COMMD7: variants seen among roughly 807,000 people sequenced by gnomAD.
The protein encoded by COMMD7 is COMM domain-containing protein 7.
A neutral mutation model predicts 34.8 loss-of-function variants in COMMD7; 28 were observed. The observed-to-expected ratio is 0.80, with a 90% CI of 0.60 to 1.10. The LOEUF is 1.10. COMMD7 is among the 50% of genes least tolerant of loss of function. COMMD7 has a pLI of 0.00. For missense variants in COMMD7, 211 were observed against 241.6 expected, an observed-to-expected ratio of 0.87 and a Z score of 0.84; for synonymous variants, 80 against 86.4, an observed-to-expected ratio of 0.93 and a Z score of 0.41.
At chr20:32,716,628 A>G (rs529563440) in intron 3 of COMMD7, among the ~76,000 whole-genome samples, 1 of 152,266 alleles carries the variant, frequency 6.6e-6, no homozygotes, top group East Asian at 1.9e-4. Flanking sequence ...AACAAAAAAA[A>G]CAAAACATAA....
intron 3 of COMMD7, among the ~76,000 whole-genome samples, chr20:32,719,138 C>A (rs1261093591): frequency 1.3e-5 from 2 of 152,124 alleles, no homozygotes; most frequent in Non-Finnish European, 2.9e-5. Flanking sequence ...CAAACTGAGG[C>A]CTACAGACTT....
intron 1 of COMMD7, among the ~76,000 whole-genome samples, chr20:32,736,292 C>G (rs1010084564): frequency 6.6e-6 from 1 of 152,166 alleles, no homozygotes; most frequent in African/African-American, 2.4e-5. Context: ...TTGGAGAAGT[C>G]TGATTATCCA....
At chr20:32,735,962 T>C (rs1056403023) in intron 1 of COMMD7, among the ~76,000 whole-genome samples, 5 of 152,238 alleles carry the variant, frequency 3.3e-5, no homozygotes, top group Admixed American at 6.5e-5. Context: ...CTTAAAATCC[T>C]GCCTATTCTC....
intron 3 of COMMD7, among the ~76,000 whole-genome samples, chr20:32,719,217 G>A (rs1985000665): frequency 6.6e-6 from 1 of 152,194 alleles, no homozygotes. Context: ...GTGTGCTCCA[G>A]GGCAAACTGG....
chr20:32,721,929 C>T (rs1453946405), intron 3 of COMMD7, among the ~76,000 whole-genome samples: 1 of 147,136 alleles, frequency 6.8e-6, no homozygotes. Flanking sequence ...AGTGTGGTGG[C>T]ATGCATCTGT....
chr20:32,709,114 C>A (rs1302872982), intron 3 of COMMD7, among the ~76,000 whole-genome samples: 1 of 152,058 alleles, frequency 6.6e-6, no homozygotes, highest in East Asian at 1.9e-4. Flanking sequence ...AGGGGAAGCT[C>A]TTTAGCAATG....
chr20:32,741,707 T>C (rs1986457631), intron 1 of COMMD7, among the ~76,000 whole-genome samples: 1 of 152,168 alleles, frequency 6.6e-6, no homozygotes, highest in African/African-American at 2.4e-5. Context: ...TTTTATACTG[T>C]ATTTGTACTG....
In COMMD7 at chr20:32,717,884, A is replaced by G. The variant is rs557502737; in HGVS notation, c.241+10009T>C. On this transcript the variant is annotated intron_variant, in intron 3 of 8. Transcript: ENST00000278980. ...ATCTCAGCACTTTGTCAGGAGTTTG[A>G]GACCACCCTGGCTGACATGGTAAAA... 8.6e-5 allele frequency among the ~76,000 whole-genome samples: 13 copies of G among 152,028 alleles called. No individual in the cohort carries two copies. The South Asian group carries it at 2.3e-3, about 27-fold the overall frequency.
chr20:32,704,077 G>A lies in COMMD7; in HGVS notation c.478-6C>T. On this transcript the variant is annotated splice_region_variant and splice_polypyrimidine_tract_variant and intron_variant, in intron 7 of 8. Coordinates refer to ENST00000278980, the MANE Select transcript of COMMD7 (RefSeq NM_053041.3). ...TTCTTAACCACCAACTTTAGCTGATGAAAGAAAAAGAAATAATTTAAATTA... is the reference window on the plus strand; with the variant it reads ...TTCTTAACCACCAACTTTAGCTGATAAAAGAAAAAGAAATAATTTAAATTA... 2 of 1,568,498 alleles carry A rather than the reference G, an allele frequency of 1.3e-6. No individual in the cohort carries two copies. The highest frequency in any genetic ancestry group is 4.5e-5 in the East Asian group (2 of 44,464).
rs1435398802 is a variant in COMMD7 at position 32,734,091 on chromosome 20, G to C, written c.85-5949C>G. Among the ~76,000 whole-genome samples, 8 of 149,572 alleles carry C rather than the reference G, an allele frequency of 5.3e-5. No homozygotes were observed. In the Admixed American group the frequency reaches 5.4e-4, roughly 10 times the overall value. ...AGCTACAGGGGAGGCTGAGGCAGGA[G>C]AATGGTGTGAACCTGGAAGGCAGAG... On this transcript the variant is annotated intron_variant, in intron 1 of 8. Transcript: ENST00000278980.
rs201194355 is a variant in COMMD7, at chr20:32,718,787, A to AAT, written c.241+9105_241+9106insAT. ...ACTTGACTCTCCCCCTGCCAAAAAAAAAAAAAGAAACCAAAAAGTTCCATC... is the reference window on the plus strand; with the variant it reads ...ACTTGACTCTCCCCCTGCCAAAAAAAATAAAAAAGAAACCAAAAAGTTCCATC... On this transcript the variant is annotated intron_variant, in intron 3 of 8. Transcript: ENST00000278980. Among the ~76,000 whole-genome samples, 742 of 152,276 alleles carry AAT rather than the reference A, an allele frequency of 4.9e-3. 3 individuals carry two copies. The highest frequency in any genetic ancestry group is 0.017 in the African/African-American group (695 of 41,564).
chr20:32,727,119 T>TG (rs1985553377), intron 3 of COMMD7, among the ~76,000 whole-genome samples: 1 of 76,084 alleles, frequency 1.3e-5, no homozygotes, highest in Non-Finnish European at 3.6e-5. Context: ...TCCCAGCTAC[T>TG]TGGGGGTTGA....
chr20:32,710,213 G>A lies in COMMD7; in HGVS notation c.242-3453C>T, dbSNP rs182110485. ...ATAGCACTGCCCTTTACTCATACTCGTATAATGCTGTGGGATATTCTGCAT... is the reference window on the plus strand; with the variant it reads ...ATAGCACTGCCCTTTACTCATACTCATATAATGCTGTGGGATATTCTGCAT... On this transcript the variant is annotated intron_variant, in intron 3 of 8. Coordinates refer to ENST00000278980, the MANE Select transcript of COMMD7 (RefSeq NM_053041.3). Among the ~76,000 whole-genome samples, 6 of 151,996 alleles carry A rather than the reference G, an allele frequency of 3.9e-5. No homozygotes were observed. The East Asian group carries it at 9.7e-4, about 24-fold the overall frequency.
chr20:32,713,710 TG>T (rs1984604526), intron 3 of COMMD7, among the ~76,000 whole-genome samples: 2 of 152,130 alleles, frequency 1.3e-5, no homozygotes, highest in Admixed American at 6.6e-5. Context: ...TGCTAGATGC[TG>T]GGAAACATCA....
intron 1 of COMMD7, among the ~76,000 whole-genome samples, chr20:32,733,867 G>C (rs1324493041): frequency 1.4e-5 from 2 of 139,470 alleles, no homozygotes; most frequent in Admixed American, 1.4e-4. Context: ...CCTGGGCGGA[G>C]TGGAACTCCT....
In COMMD7 at chr20:32,728,482, G is replaced by A. The variant is rs199817076; in HGVS notation, c.85-340C>T. 4.0e-5 allele frequency among the ~76,000 whole-genome samples: 6 copies of A among 151,398 alleles called. No homozygotes were observed. In the East Asian group the frequency reaches 1.2e-3, roughly 29 times the overall value. On this transcript the variant is annotated intron_variant, in intron 1 of 8. Transcript: ENST00000278980. ...CACACACACACACGCACGCACAAGG[G>A]GGAAATCATCAGAAAATTAAAAGCG...
chr20:32,707,278 C>T (rs1404587193), intron 3 of COMMD7, among the ~76,000 whole-genome samples: 7 of 98,532 alleles, frequency 7.1e-5, no homozygotes, highest in South Asian at 3.5e-4. Flanking sequence ...AGCGAGACTC[C>T]GTCTCAAAAA....
At chr20:32,710,855 G>C (rs1486723210) in intron 3 of COMMD7, among the ~76,000 whole-genome samples, 1 of 152,082 alleles carries the variant, frequency 6.6e-6, no homozygotes, top group Non-Finnish European at 1.5e-5. Flanking sequence ...GAGGTGAGAG[G>C]ATTGCTTGAG....
intron 3 of COMMD7, 106 bp downstream of exon 3, chr20:32,727,787 C>T: frequency 2.2e-6 from 2 of 915,992 alleles, no homozygotes; most frequent in Non-Finnish European, 3.6e-6. Flanking sequence ...TGGCTCATTA[C>T]CAAACGCTCT....
Sources: gnomAD v4.1 joint callset for allele counts (sites outside exome capture counted in the v4.1 genomes callset) on GRCh38, gnomAD v4.1.1 for gene constraint, MANE v1.5 for transcripts, NCBI Gene and HGNC (gene_info 2026-07-23, HGNC 2026-07-21) for gene names.